Variants in UMODL1 observed in about 807,000 individuals in gnomAD.
UMODL1 encodes the protein uromodulin-like 1.
In UMODL1, 128 loss-of-function variants were observed where a neutral mutation model predicts 136.3. That is an observed-to-expected ratio of 0.94 (90% CI 0.81 to 1.09). The LOEUF (loss-of-function observed/expected upper bound fraction) is 1.09, where lower values mean the gene tolerates loss of function less well. Among genes scored for constraint, UMODL1 ranks in the 50% least tolerant of loss-of-function variants. The pLI is 0.00. For missense variants in UMODL1, 1,766 were observed against 1,725.6 expected (o/e 1.02, Z -0.41); for synonymous variants, 721 against 720.0 (o/e 1.00, Z -0.02).
chr21:42,141,102 A>C (rs2067275893), intron 22 of UMODL1, among the ~76,000 whole-genome samples: 12 of 152,174 alleles, frequency 7.9e-5, no homozygotes. Context: ...ACAACTCAGC[A>C]AAGTATAGTA....
Position 42,123,128 on chromosome 21 carries a change from A to T in UMODL1, c.3125A>T (p.Glu1042Val). 3.7e-6 allele frequency: 6 copies of T among 1,613,514 alleles called. No homozygotes were observed. The highest frequency in any genetic ancestry group is 5.1e-6 in the Non-Finnish European group (6 of 1,179,674). ...THVLLEAGWSECGTLMQSNMT... is the reference protein window; with the variant it reads ...THVLLEAGWSVCGTLMQSNMT... ...GTGCTCCTGGAGGCCGGCTGGAGCG[A>T]GTGTGGGACCCTCATGCAGAGCGTA... The change falls in exon 17 of 23, where the codon GAG (glutamate) becomes GTG (valine). Residue 1042 changes from glutamate (E) to valine (V), a missense_variant. Coordinates refer to ENST00000408910, the MANE Select transcript of UMODL1 (RefSeq NM_001004416.3). This position sits in a 1 kb window ranked among gnomAD's most constrained non-coding sequence, Gnocchi z 4.4.
At chr21:42,083,933 G>T in intron 2 of UMODL1, 151 bp from the exon 3 acceptor site, 1 of 916,674 alleles carries the variant, frequency 1.1e-6, no homozygotes, top group Non-Finnish European at 1.6e-6. Flanking sequence ...CAATGGGGTG[G>T]GTGTCTGCCC....
rs779423112 is a variant in UMODL1 at position 42,127,128 on chromosome 21, T to A, written c.3416T>A (p.Ile1139Asn). 2 of 1,614,132 alleles carry A rather than the reference T, an allele frequency of 1.2e-6. No individual in the cohort carries two copies. The highest frequency in any genetic ancestry group is 8.5e-7 in the Non-Finnish European group (1 of 1,180,020). The change falls in exon 19 of 23, where the codon ATC (isoleucine) becomes AAC (asparagine). Residue 1139 changes from isoleucine to asparagine, a missense_variant. Physicochemically the swap from Ile to Asn is moderately radical, Grantham distance 149. Transcript: ENST00000408910. ...GTGTCTGCCAGTGACGATGTCAGGA[T>A]CGAAGTGGGGCTCTACAGGCAGAAA... Reference protein sequence around the residue: ...YSVSASDDVRIEVGLYRQKSN... With the variant: ...YSVSASDDVRNEVGLYRQKSN...
rs1269757995 is a variant in UMODL1, at chr21:42,122,595, ATG to A, written c.2828-229_2828-228del. On this transcript the variant is annotated intron_variant, in intron 16 of 22. Transcript: ENST00000408910. This position sits in a 1 kb window ranked among gnomAD's most constrained non-coding sequence, Gnocchi z 4.3. ...TGCGTGCGTGTGTGCATGTGTGTGC[ATG>A]TGTGTGCATCTCTGCGTGCATGTGT... Among the ~76,000 whole-genome samples the A allele has an allele frequency of 6.2e-5, 9 of 145,424 alleles. No homozygotes were observed. The East Asian group carries it at 9.9e-4, about 16-fold the overall frequency.
chr21:42,124,914 G>A (rs904161838), intron 17 of UMODL1, among the ~76,000 whole-genome samples: 4 of 152,158 alleles, frequency 2.6e-5, no homozygotes, highest in East Asian at 1.9e-4. Context: ...CATCATCCAC[G>A]CTCTGCGGCT....
chr21:42,079,712 G>T (rs1332130768), intron 2 of UMODL1, among the ~76,000 whole-genome samples: 1 of 152,226 alleles, frequency 6.6e-6, no homozygotes, highest in Admixed American at 6.5e-5. Flanking sequence ...GAGTATCCCT[G>T]GCTCTGCATG....
intron 2 of UMODL1, among the ~76,000 whole-genome samples, chr21:42,083,042 T>TTA (rs2066381194): frequency 1.3e-5 from 2 of 152,198 alleles, no homozygotes; most frequent in Admixed American, 1.3e-4. Context: ...CTTCCTCATC[T>TTA]TTGCCTCCTG....
Position 42,119,145 on chromosome 21 carries a change from A to C in UMODL1, c.2510A>C (p.His837Pro). The change falls in exon 15 of 23, where the codon CAC becomes CCC. Residue 837 changes from histidine to proline, a missense_variant. His to Pro is a moderately conservative substitution (Grantham distance 77). Transcript: ENST00000408910. ...RGSLPATMCQHMDAGGVRMEV... is the reference protein window; with the variant it reads ...RGSLPATMCQPMDAGGVRMEV... ...TCCCTGCCAGCCACCATGTGTCAGC[A>C]CATGGACGCTGGTGGGGTCAGGATG... 6.2e-7 allele frequency: 1 copy of C among 1,613,744 alleles called. No homozygotes were observed. Among genetic ancestry groups the C allele is most frequent in the Non-Finnish European group, 8.5e-7 (1 of 1,179,944 alleles).
intron 21 of UMODL1, among the ~76,000 whole-genome samples, chr21:42,135,504 C>T (rs1379343476): frequency 1.3e-5 from 2 of 152,174 alleles, no homozygotes; most frequent in East Asian, 3.8e-4. Context: ...AGGGCCATTC[C>T]GGGCTGCAAA....
chr21:42,115,913 C>G lies in UMODL1; in HGVS notation c.2403C>G (p.Val801=). 6.2e-7 allele frequency: 1 copy of G among 1,614,058 alleles called. No individual in the cohort carries two copies. The highest frequency in any genetic ancestry group is 8.5e-7 in the Non-Finnish European group (1 of 1,180,014). The change falls in exon 14 of 23, where the codon GTC becomes GTG. Residue 801 remains valine (V), a synonymous_variant. Coordinates refer to ENST00000408910, the MANE Select transcript of UMODL1 (RefSeq NM_001004416.3). The part of the protein sequence containing the change: ...KLIGKVRIKN[V]RYSESFRNAS... ...TTGGAAAGGTCAGAATCAAAAATGT[C>G]AGGTACTCAGAATCCTTTCGCAACG...
intron 22 of UMODL1, among the ~76,000 whole-genome samples, chr21:42,141,000 C>T (rs372211986): frequency 2.6e-5 from 4 of 152,162 alleles, no homozygotes; most frequent in Non-Finnish European, 5.9e-5. Context: ...AATACCAGCC[C>T]GCCCCCTCTT....
chr21:42,137,576 A>G lies in UMODL1; in HGVS notation c.3913A>G (p.Lys1305Glu). The change falls in exon 22 of 23, where the codon AAA (lysine) becomes GAA (glutamate). Residue 1305 changes from lysine to glutamate, a missense_variant. Lys to Glu is a moderately conservative substitution (Grantham distance 56). Coordinates refer to ENST00000408910, the MANE Select transcript of UMODL1 (RefSeq NM_001004416.3). ...YQRMNGRYNF[K>E]IQSNNFSYQV... ...GAGAATGAATGGGAGATACAACTTT[A>G]AAATCCAGTCCAACAACTTCAGCTA... is the stretch of plus-strand genomic sequence containing the variant. 1 of 1,614,208 alleles carries G rather than the reference A, an allele frequency of 6.2e-7. No individual in the cohort carries two copies. The highest frequency in any genetic ancestry group is 8.5e-7 in the Non-Finnish European group (1 of 1,180,042).
intron 8 of UMODL1, chr21:42,103,458 A>T (rs2066663047): frequency 5.6e-6 from 2 of 356,720 alleles, no homozygotes; most frequent in African/African-American, 2.1e-5. Flanking sequence ...ACAGCCTAGT[A>T]AGAGGGGGGA....
At position 42,127,215 on chromosome 21, in the gene UMODL1, C is replaced by G. The variant is rs776847311; in HGVS notation, c.3503C>G (p.Pro1168Arg). The G allele has an allele frequency of 1.9e-6, 3 of 1,613,920 alleles. No homozygotes were observed. The highest frequency in any genetic ancestry group is 1.1e-5 in the South Asian group (1 of 91,020). ...WATPSSNARD[P>R]ITFSFINNSC... ...ACCCCGTCTAGCAACGCCCGGGACCCCATCACCTTCAGCTTCATTAACAAC... is the reference window on the plus strand; with the variant it reads ...ACCCCGTCTAGCAACGCCCGGGACCGCATCACCTTCAGCTTCATTAACAAC... Residue 1168 changes from proline to arginine, a missense_variant, in exon 19 of 23, where the codon CCC becomes CGC. Pro to Arg is a moderately radical substitution (Grantham distance 103). Transcript: ENST00000408910.
At chr21:42,094,540 G>A (rs1451030292) in intron 6 of UMODL1, among the ~76,000 whole-genome samples, 1 of 152,138 alleles carries the variant, frequency 6.6e-6, no homozygotes, top group African/African-American at 2.4e-5. Flanking sequence ...AGAGTCAAGA[G>A]CATCATTTTC....
Position 42,137,588 on chromosome 21 carries a change from A to C in UMODL1, c.3925A>C (p.Asn1309His), listed in dbSNP as rs3819142. Residue 1309 changes from asparagine (N) to histidine (H), a missense_variant, in exon 22 of 23, where the codon AAC (asparagine) becomes CAC (histidine). By Grantham distance (68) the Asn-to-His change is moderately conservative. Coordinates refer to ENST00000408910, the MANE Select transcript of UMODL1 (RefSeq NM_001004416.3). ...NGRYNFKIQS[N>H]NFSYQVFYE ...GAGATACAACTTTAAAATCCAGTCC[A>C]ACAACTTCAGCTACCAGGTGTTCTA... The C allele has an allele frequency of 0.19, 302,236 of 1,613,724 alleles. 29,240 individuals carry two copies. The highest frequency in any genetic ancestry group is 0.29 in the South Asian group (26,380 of 91,066).
intron 6 of UMODL1, 146 bp downstream of exon 6, chr21:42,090,584 T>C: frequency 9.1e-7 from 1 of 1,096,934 alleles, no homozygotes; most frequent in South Asian, 1.7e-5. Flanking sequence ...TATTTTCGCA[T>C]CACTGTGGTA....
intron 9 of UMODL1, chr21:42,108,351 G>A (rs762237213): frequency 1.1e-5 from 6 of 525,998 alleles, no homozygotes; most frequent in South Asian, 4.3e-5. Context: ...GGCACCAGCA[G>A]TGTTCTGATG....
intron 6 of UMODL1, among the ~76,000 whole-genome samples, chr21:42,091,037 T>C (rs1199308252): frequency 2.0e-5 from 3 of 152,228 alleles, no homozygotes; most frequent in Non-Finnish European, 4.4e-5. Context: ...GGGACTCTTC[T>C]TGCCAAGAGG....
Sources: gnomAD v4.1 joint callset for allele counts (sites outside exome capture counted in the v4.1 genomes callset) on GRCh38, gnomAD v4.1.1 for gene constraint, Gnocchi (gnomAD v3.1) non-coding constraint, MANE v1.5 for transcripts, NCBI Gene and HGNC (gene_info 2026-07-23, HGNC 2026-07-21) for gene names.